Variants in PARD3B observed in about 807,000 individuals in gnomAD.
The protein encoded by PARD3B is par-3 family cell polarity regulator beta.
In PARD3B, 103 loss-of-function variants were observed where a neutral mutation model predicts 130.2. The observed-to-expected ratio is 0.79, with a 90% CI of 0.67 to 0.93. The LOEUF is 0.93. Among genes scored for constraint, PARD3B ranks in the 40% least tolerant of loss-of-function variants. PARD3B has a pLI of 0.00. For synonymous variants in PARD3B, 583 were observed against 553.2 expected (o/e 1.05, Z -0.76); for missense variants, 1,609 against 1,499.2 (o/e 1.07, Z -1.21).
At chr2:205,046,014 A>G (rs1428427037) in intron 3 of PARD3B, among the ~76,000 whole-genome samples, 1 of 152,128 alleles carries the variant, frequency 6.6e-6, no homozygotes, top group Non-Finnish European at 1.5e-5. Context: ...AAATGCTTGG[A>G]AATAAACCAG....
intron 1 of PARD3B, among the ~76,000 whole-genome samples, chr2:204,604,531 C>T (rs539924575): frequency 3.4e-4 from 51 of 152,184 alleles, no homozygotes; most frequent in African/African-American, 1.1e-3. Flanking sequence ...TCCTGAAACA[C>T]GCTGAGATTA....
chr2:204,945,499 C>T (rs1271895866), intron 2 of PARD3B, among the ~76,000 whole-genome samples: 1 of 152,192 alleles, frequency 6.6e-6, no homozygotes, highest in Non-Finnish European at 1.5e-5. Context: ...AAAAGGAACA[C>T]AGTCTTGTGA....
intron 18 of PARD3B, chr2:205,302,016 C>T: frequency 1.6e-6 from 1 of 614,736 alleles, no homozygotes; most frequent in South Asian, 1.9e-5. Context: ...AGTTCAAGAC[C>T]AGCCTGGGCA....
At chr2:204,615,793 AT>A (rs752018140) in intron 1 of PARD3B, among the ~76,000 whole-genome samples, 2 of 151,982 alleles carry the variant, frequency 1.3e-5, no homozygotes, top group Non-Finnish European at 2.9e-5. Context: ...TAGTGCATGC[AT>A]TTTTTTTCCT....
chr2:204,600,143 G>T (rs562942710), intron 1 of PARD3B, among the ~76,000 whole-genome samples: 2 of 151,560 alleles, frequency 1.3e-5, no homozygotes, highest in African/African-American at 4.8e-5. Context: ...TTCTCTGATT[G>T]TTTCCTTTGC....
At chr2:205,081,969 A>AAG (rs1324424124) in intron 4 of PARD3B, among the ~76,000 whole-genome samples, 2 of 152,106 alleles carry the variant, frequency 1.3e-5, no homozygotes, top group Non-Finnish European at 2.9e-5. Flanking sequence ...TGTCCTTCTC[A>AAG]ACTGTTTGAG....
At position 205,068,584 on chromosome 2, in the gene PARD3B, T is replaced by C. The variant is rs868445428; in HGVS notation, c.504+20894T>C. Among the ~76,000 whole-genome samples the C allele has an allele frequency of 6.4e-3, 964 of 150,720 alleles. 16 individuals carry two copies. The highest frequency in any genetic ancestry group is 0.023 in the African/African-American group (926 of 41,008). On this transcript the variant is annotated intron_variant, in intron 4 of 22. Transcript: ENST00000406610. Reference sequence around the variant, plus strand: ...AGAATAGACAAGGAATGAAGTTATTTTTTTTTTTACCTTTTCCTAGCTTCT... The same window carrying C: ...AGAATAGACAAGGAATGAAGTTATTCTTTTTTTTACCTTTTCCTAGCTTCT...
At chr2:205,379,478 T>C (rs949761208) in intron 18 of PARD3B, among the ~76,000 whole-genome samples, 2 of 152,030 alleles carry the variant, frequency 1.3e-5, no homozygotes, top group Admixed American at 1.3e-4. Flanking sequence ...ATTTGGGGTT[T>C]TTTTTAAAAA....
intron 18 of PARD3B, among the ~76,000 whole-genome samples, chr2:205,357,409 A>G (rs2044234238): frequency 6.6e-6 from 1 of 152,194 alleles, no homozygotes; most frequent in South Asian, 2.1e-4. Flanking sequence ...TGTCTGGCTT[A>G]GAAACATTAA....
chr2:204,835,726 A>G (rs1312681484), intron 2 of PARD3B, among the ~76,000 whole-genome samples: 3 of 152,206 alleles, frequency 2.0e-5, no homozygotes, highest in African/African-American at 7.2e-5. Flanking sequence ...ACACTTCCAG[A>G]TTTGAATTTT....
In PARD3B at chr2:205,562,507, G is replaced by T. The variant is rs142314666; in HGVS notation, c.3260+9104G>T. On this transcript the variant is annotated intron_variant, in intron 22 of 22. Coordinates refer to ENST00000406610, the MANE Select transcript of PARD3B (RefSeq NM_001302769.2). The surrounding 1 kb of genome is among the most constrained non-coding windows in gnomAD (Gnocchi z 5.4). Reference sequence around the variant, plus strand: ...AGAGTATGTGCCTGCTCTTTCGAGAGTGCCAAATCTGACATTACCTTGGAC... The same window carrying T: ...AGAGTATGTGCCTGCTCTTTCGAGATTGCCAAATCTGACATTACCTTGGAC... Among the ~76,000 whole-genome samples the T allele has an allele frequency of 2.0e-3, 311 of 152,294 alleles. 2 individuals are homozygous for T. The highest frequency in any genetic ancestry group is 7.3e-3 in the African/African-American group (304 of 41,576).
intron 2 of PARD3B, among the ~76,000 whole-genome samples, chr2:204,908,833 G>A (rs929648355): frequency 2.6e-5 from 4 of 152,176 alleles, no homozygotes; most frequent in African/African-American, 7.2e-5. Context: ...TACTTTTTCT[G>A]TAGTTCTGTT....
rs2106580411 is a variant in PARD3B at position 205,584,471 on chromosome 2, A to T, written c.3261-30985A>T. 6.6e-6 allele frequency among the ~76,000 whole-genome samples: 1 copy of T among 152,258 alleles called. No homozygotes were observed. Among genetic ancestry groups the T allele is most frequent in the South Asian group, 2.1e-4 (1 of 4,820 alleles). On this transcript the variant is annotated intron_variant, in intron 22 of 22. Transcript: ENST00000406610. This position sits in a 1 kb window ranked among gnomAD's most constrained non-coding sequence, Gnocchi z 5.5. ...GGCAGGCCGATCACCTGACGTCAGG[A>T]GTTCGAGACCAGGCTGGCCAACATA...
intron 13 of PARD3B, among the ~76,000 whole-genome samples, chr2:205,184,375 G>A (rs996189166): frequency 1.2e-4 from 18 of 152,296 alleles, no homozygotes; most frequent in African/African-American, 3.8e-4. Flanking sequence ...ATAGATACAA[G>A]TAGAACTTAC....
intron 2 of PARD3B, among the ~76,000 whole-genome samples, chr2:204,739,944 T>C (rs944360906): frequency 6.6e-5 from 10 of 152,048 alleles, no homozygotes; most frequent in Non-Finnish European, 8.8e-5. Flanking sequence ...TGCCCCTTTT[T>C]TTTTTGTATT....
At chr2:204,694,212 G>T (rs935354999) in intron 2 of PARD3B, among the ~76,000 whole-genome samples, 1 of 152,018 alleles carries the variant, frequency 6.6e-6, no homozygotes, top group Non-Finnish European at 1.5e-5. Context: ...AGGTGAAATT[G>T]TATTTTATCC....
chr2:205,235,283 A>G (rs1450749046), intron 15 of PARD3B, among the ~76,000 whole-genome samples: 2 of 152,170 alleles, frequency 1.3e-5, no homozygotes, highest in East Asian at 1.9e-4. Flanking sequence ...TTAGTCGGGC[A>G]TGGTGGCATT....
At chr2:204,776,856 G>A (rs2041644101) in intron 2 of PARD3B, among the ~76,000 whole-genome samples, 1 of 151,820 alleles carries the variant, frequency 6.6e-6, no homozygotes, top group Admixed American at 6.6e-5. Flanking sequence ...AAATATGCCT[G>A]GGCCATGGCC....
chr2:205,054,404 T>TTATATATATA (rs1298451651), intron 4 of PARD3B, among the ~76,000 whole-genome samples: 7 of 33,830 alleles, frequency 2.1e-4, no homozygotes, highest in Middle Eastern at 0.038. Flanking sequence ...GACATGTCTT[T>TTATATATATA]TATATATATA....
Sources: gnomAD v4.1 joint callset for allele counts (sites outside exome capture counted in the v4.1 genomes callset) on GRCh38, gnomAD v4.1.1 for gene constraint, Gnocchi (gnomAD v3.1) non-coding constraint, MANE v1.5 for transcripts, NCBI Gene and HGNC (gene_info 2026-07-23, HGNC 2026-07-21) for gene names.